TRIM16: variants seen among roughly 807,000 people sequenced by gnomAD.
TRIM16 encodes tripartite motif-containing protein 16.
In TRIM16, 33 loss-of-function variants were observed where a neutral mutation model predicts 50.4. The ratio of observed to expected loss-of-function variants is 0.65; its 90% CI spans 0.50 to 0.88. The LOEUF (loss-of-function observed/expected upper bound fraction) is 0.88. Ranked by LOEUF, TRIM16 falls within the 40% of genes least tolerant of loss-of-function variation. TRIM16 has a pLI of 0.00. For missense variants in TRIM16, 581 were observed against 686.8 expected (o/e 0.85, Z 1.72); for synonymous variants, 229 against 270.7 (o/e 0.85, Z 1.51).
chr17:15,666,722 C>T (rs138250157), intron 6 of TRIM16, among the ~76,000 whole-genome samples: 239 of 152,304 alleles, frequency 1.6e-3, no homozygotes, highest in African/African-American at 5.6e-3. Flanking sequence ...GAGATTCATC[C>T]ATGTCATGGT....
chr17:15,671,919 C>T (rs1988746754), intron 6 of TRIM16, among the ~76,000 whole-genome samples: 1 of 152,048 alleles, frequency 6.6e-6, no homozygotes, highest in Non-Finnish European at 1.5e-5. Context: ...GACTAACTTG[C>T]AAAATGAAAA....
chr17:15,676,601 A>G (rs1377664650), intron 6 of TRIM16, among the ~76,000 whole-genome samples: 1 of 150,876 alleles, frequency 6.6e-6, no homozygotes, highest in East Asian at 1.9e-4. Context: ...ACGCCCGGCT[A>G]ATTTTTTGTA....
At chr17:15,664,560 C>T (rs1185889338) in intron 6 of TRIM16, among the ~76,000 whole-genome samples, 1 of 152,126 alleles carries the variant, frequency 6.6e-6, no homozygotes, top group African/African-American at 2.4e-5. Flanking sequence ...CCTGTGGCCA[C>T]AAGCGCCCTG....
At chr17:15,654,879 T>A (rs117640572) in intron 6 of TRIM16, among the ~76,000 whole-genome samples, 1,746 of 152,108 alleles carry the variant, frequency 0.011, 12 homozygotes, top group Non-Finnish European at 0.016. Context: ...ATAATAAGTA[T>A]CCTCCTCAAT....
chr17:15,634,156 C>G (rs1986589643), intron 9 of TRIM16, among the ~76,000 whole-genome samples: 1 of 147,882 alleles, frequency 6.8e-6, no homozygotes, highest in Non-Finnish European at 1.5e-5. Context: ...GGTGAAACCC[C>G]ATCTCTACTA....
rs1228231658 is a variant in TRIM16, at chr17:15,632,338, T to C, written c.1015+171A>G. ...GTTGCAGTGAGCTGAGATTGCGCCA[T>C]TGCACTCCAGCCTGGGTGACAGAGC... On this transcript the variant is annotated intron_variant, in intron 10 of 11. Coordinates refer to ENST00000649191, the MANE Select transcript of TRIM16 (RefSeq NM_001348119.1). Among the ~76,000 whole-genome samples, 122 of 152,040 alleles carry C rather than the reference T, an allele frequency of 8.0e-4. 1 individual carries two copies. Among genetic ancestry groups the C allele is most frequent in the Non-Finnish European group, 3.2e-4 (22 of 67,984 alleles).
chr17:15,629,670 C>T (rs879205247), intron 11 of TRIM16, among the ~76,000 whole-genome samples: 2 of 152,240 alleles, frequency 1.3e-5, no homozygotes, highest in Admixed American at 6.5e-5. Context: ...CTCTCAAACA[C>T]GCCCTCATAT....
chr17:15,648,618 T>C (rs1037869177), intron 7 of TRIM16, among the ~76,000 whole-genome samples: 3 of 152,228 alleles, frequency 2.0e-5, no homozygotes, highest in African/African-American at 7.2e-5. Context: ...CGAGTAACTC[T>C]AGCAGGCCTG....
chr17:15,630,373 T>C (rs1465870637), intron 11 of TRIM16, among the ~76,000 whole-genome samples: 1 of 152,212 alleles, frequency 6.6e-6, no homozygotes, highest in Non-Finnish European at 1.5e-5. Flanking sequence ...TAATAATATA[T>C]ATTCATGTGA....
At position 15,683,473 on chromosome 17, in the gene TRIM16, T is replaced by C. The variant is rs1989261670; in HGVS notation, c.-898-316A>G. On this transcript the variant is annotated intron_variant, in intron 1 of 11. Transcript: ENST00000649191. ...TGCCCTGCTGGGAGTGCCTGGATTC[T>C]AATTTCCACTATGTGCTAGTTGGCT... The C allele has an allele frequency of 2.0e-5, 4 of 197,440 alleles. No individual in the cohort carries two copies. In the South Asian group the frequency reaches 3.9e-4, roughly 19 times the overall value. The allele number at this position is 197,440 out of a possible 1,614,324, so 12.2% of individuals were successfully genotyped here.
chr17:15,637,017 A>G (rs1473352443), intron 8 of TRIM16, among the ~76,000 whole-genome samples: 1 of 147,904 alleles, frequency 6.8e-6, no homozygotes, highest in African/African-American at 2.5e-5. Flanking sequence ...CTTCTCTGGT[A>G]TTCTTAAGAA....
intron 3 of TRIM16, 133 bp from the exon 4 acceptor site, chr17:15,681,086 T>A (rs1989165280): frequency 1.3e-6 from 1 of 754,794 alleles, no homozygotes; most frequent in African/African-American, 1.8e-5. Flanking sequence ...TTTACAGACA[T>A]CTATGTAATG....
At chr17:15,645,068 C>A (rs1485149968) in intron 7 of TRIM16, among the ~76,000 whole-genome samples, 6 of 152,184 alleles carry the variant, frequency 3.9e-5, no homozygotes, top group African/African-American at 9.7e-5. Flanking sequence ...CCTGCCTTGG[C>A]CTCCCAAACT....
chr17:15,659,496 C>T (rs1471021649), intron 6 of TRIM16, among the ~76,000 whole-genome samples: 1 of 152,200 alleles, frequency 6.6e-6, no homozygotes, highest in Non-Finnish European at 1.5e-5. Flanking sequence ...AAGGGCGTGA[C>T]ATTTTATGCG....
At chr17:15,629,897 C>T (rs1458933269) in intron 11 of TRIM16, among the ~76,000 whole-genome samples, 2 of 152,198 alleles carry the variant, frequency 1.3e-5, no homozygotes, top group Non-Finnish European at 2.9e-5. Context: ...ACTAGTTCAG[C>T]GGGTTTCTGA....
intron 6 of TRIM16, among the ~76,000 whole-genome samples, chr17:15,660,924 AAC>A (rs963048821): frequency 2.1e-5 from 3 of 142,856 alleles, no homozygotes; most frequent in Non-Finnish European, 4.6e-5. Context: ...AAAAAAAAAG[AAC>A]ACAGAGGGGG....
chr17:15,656,535 C>T (rs571699714), intron 6 of TRIM16, among the ~76,000 whole-genome samples: 7 of 152,100 alleles, frequency 4.6e-5, no homozygotes, highest in African/African-American at 1.4e-4. Flanking sequence ...TCTAGACCAT[C>T]GCCCCTCCCC....
At position 15,683,188 on chromosome 17, in the gene TRIM16, C is replaced by T; in HGVS notation, c.-898-31G>A. The T allele has an allele frequency of 5.4e-6, 8 of 1,469,580 alleles. No individual in the cohort carries two copies. In the South Asian group the frequency reaches 1.0e-4, roughly 18 times the overall value. 91.0% of individuals were successfully genotyped at this position (1,469,580 alleles called of 1,614,324 possible). On this transcript the variant is annotated intron_variant, in intron 1 of 11. Coordinates refer to ENST00000649191, the MANE Select transcript of TRIM16 (RefSeq NM_001348119.1). ...GTAAGAGGTTCTGGATTGAAGTTTTCCCCTTTTTCATTGTATTTCTTTTTT... is the reference window on the plus strand; with the variant it reads ...GTAAGAGGTTCTGGATTGAAGTTTTTCCCTTTTTCATTGTATTTCTTTTTT...
chr17:15,675,347 A>G (rs554875461), intron 6 of TRIM16: 1 of 159,966 alleles, frequency 6.3e-6, no homozygotes, highest in East Asian at 1.9e-4. Context: ...CCAAATGAAG[A>G]GTCTGAGTGG....
Sources: gnomAD v4.1 joint callset for allele counts (sites outside exome capture counted in the v4.1 genomes callset) on GRCh38, gnomAD v4.1.1 for gene constraint, MANE v1.5 for transcripts, NCBI Gene and HGNC (gene_info 2026-07-23, HGNC 2026-07-21) for gene names.